The following CLASP2 variants were observed in gnomAD, a reference collection of about 807,000 sequenced individuals.
The protein encoded by CLASP2 is cytoplasmic linker associated protein 2, also known as CLIP-associating protein 2.
In CLASP2, 47 loss-of-function variants were observed where a neutral mutation model predicts 194.4. The ratio of observed to expected loss-of-function variants is 0.24; its 90% CI spans 0.19 to 0.31. The LOEUF (loss-of-function observed/expected upper bound fraction) is 0.31. CLASP2 is among the 10% of genes least tolerant of loss of function. The pLI is 1.00. For synonymous variants in CLASP2, 619 were observed against 633.5 expected (o/e 0.98, Z 0.34); for missense variants, 1,445 against 1,823.6 (o/e 0.79, Z 3.78).
intron 29 of CLASP2, among the ~76,000 whole-genome samples, chr3:33,555,434 C>T (rs948485086): frequency 7.3e-5 from 11 of 150,368 alleles, no homozygotes; most frequent in East Asian, 2.0e-4. Flanking sequence ...GGTGTCATCT[C>T]GGCTCACTGG....
chr3:33,643,765 TAGAAAG>T (rs2081779033), intron 8 of CLASP2, among the ~76,000 whole-genome samples: 1 of 152,008 alleles, frequency 6.6e-6, no homozygotes, highest in Admixed American at 6.6e-5. Context: ...GGGGGTTGTA[TAGAAAG>T]ATCAAGGGAA....
chr3:33,525,749 G>A (rs1239185235), intron 34 of CLASP2, among the ~76,000 whole-genome samples: 1 of 152,216 alleles, frequency 6.6e-6, no homozygotes, highest in Non-Finnish European at 1.5e-5. Flanking sequence ...TACAGCTCCG[G>A]CAAAGTGGGA....
chr3:33,606,122 G>C (rs1004215677), intron 16 of CLASP2, among the ~76,000 whole-genome samples: 1 of 151,984 alleles, frequency 6.6e-6, no homozygotes, highest in Non-Finnish European at 1.5e-5. Context: ...GATGAGAATG[G>C]AGTTACAGAG....
chr3:33,717,858 C>G lies in CLASP2; in HGVS notation c.145G>C (p.Gly49Arg). 1 of 1,565,464 alleles carries G rather than the reference C, an allele frequency of 6.4e-7. No individual in the cohort carries two copies. The highest frequency in any genetic ancestry group is 8.7e-7 in the Non-Finnish European group (1 of 1,155,678). ...SDLEEDLGRL[G>R]KTVDALTGWV... ...CCGGTGAGCGCGTCGACTGTCTTGC[C>G]TAGGCGGCCCAGGTCCTCCTCCAGG... Residue 49 changes from glycine (G) to arginine (R), a missense_variant, in exon 1 of 39, where the codon GGC (glycine) becomes CGC (arginine). By Grantham distance (125) the Gly-to-Arg change is moderately radical. Around this residue, in one of 4 missense-constraint regions of CLASP2, gnomAD observed 332 missense variants for 325.3 expected, o/e 1.02. Coordinates refer to ENST00000682230, the MANE Select transcript of CLASP2 (RefSeq NM_001365631.1).
At chr3:33,578,249 A>G (rs2154201402) in intron 23 of CLASP2, among the ~76,000 whole-genome samples, 1 of 152,330 alleles carries the variant, frequency 6.6e-6, no homozygotes, top group South Asian at 2.1e-4. Context: ...TTATTTAAAT[A>G]TCAAGGCACA....
chr3:33,712,700 C>T (rs1040988726), intron 1 of CLASP2, among the ~76,000 whole-genome samples: 3 of 152,170 alleles, frequency 2.0e-5, no homozygotes, highest in African/African-American at 2.4e-5. Flanking sequence ...CGGTGGTTCA[C>T]GCCTGTAATC....
At chr3:33,571,453 AC>A (rs967917617) in intron 25 of CLASP2, among the ~76,000 whole-genome samples, 1 of 148,604 alleles carries the variant, frequency 6.7e-6, no homozygotes, top group Non-Finnish European at 1.5e-5. Context: ...ACATGGTGAA[AC>A]CCTGTCTCTA....
intron 2 of CLASP2, 50 bp from the exon 3 acceptor site, chr3:33,689,982 T>C (rs766079703): frequency 1.7e-6 from 2 of 1,186,800 alleles, no homozygotes; most frequent in Non-Finnish European, 2.3e-6. Flanking sequence ...CTCATCTCCA[T>C]TAAAAACTAT....
At chr3:33,689,958 GTAAT>G (rs2091162259) in intron 2 of CLASP2, 26 bp from the exon 3 acceptor site, 2 of 1,433,674 alleles carry the variant, frequency 1.4e-6, no homozygotes, top group African/African-American at 2.9e-5. Context: ...GAGTAAAAGA[GTAAT>G]TACTTATAAC....
chr3:33,580,775 G>C (rs1054664050), intron 23 of CLASP2, among the ~76,000 whole-genome samples: 3 of 152,028 alleles, frequency 2.0e-5, no homozygotes, highest in African/African-American at 4.8e-5. Context: ...CAGCACTTTG[G>C]GGGGCCGAGG....
At position 33,592,562 on chromosome 3, in the gene CLASP2, G is replaced by GA. The variant is rs754236339; in HGVS notation, c.1967-67dup. 59 of 1,278,582 alleles carry GA rather than the reference G, an allele frequency of 4.6e-5. 1 individual carries two copies. Among genetic ancestry groups the GA allele is most frequent in the Non-Finnish European group, 5.8e-5 (53 of 906,538 alleles). The allele number at this position is 1,278,582 out of a possible 1,614,324, so 79.2% of individuals were successfully genotyped here. ...ATAATAATGTTTAATAATGAGAGGA[G>GA]AAAATCTCACTATTTTTAGGTACTG... On this transcript the variant is annotated intron_variant, in intron 20 of 38. Coordinates refer to ENST00000682230, the MANE Select transcript of CLASP2 (RefSeq NM_001365631.1).
chr3:33,575,389 T>G (rs6550225), intron 24 of CLASP2, among the ~76,000 whole-genome samples: 12 of 151,806 alleles, frequency 7.9e-5, no homozygotes, highest in African/African-American at 2.9e-4. Context: ...ATGGGATCTA[T>G]GATTTTAGGA....
intron 1 of CLASP2, among the ~76,000 whole-genome samples, chr3:33,710,040 T>C (rs1023912426): frequency 2.0e-4 from 31 of 152,184 alleles, no homozygotes; most frequent in African/African-American, 6.5e-4. Context: ...TGTGACACAG[T>C]GATGGGGCAG....
intron 30 of CLASP2, among the ~76,000 whole-genome samples, chr3:33,546,860 C>T (rs2059230474): frequency 6.6e-6 from 1 of 152,142 alleles, no homozygotes; most frequent in African/African-American, 2.4e-5. Context: ...TGGAATACTG[C>T]AAAATTTAAA....
At chr3:33,706,503 T>C (rs2154355356) in intron 1 of CLASP2, among the ~76,000 whole-genome samples, 1 of 152,320 alleles carries the variant, frequency 6.6e-6, no homozygotes, top group South Asian at 2.1e-4. Flanking sequence ...GGACATATCC[T>C]ACAGACAAAA....
rs1356813964 is a variant in CLASP2, at chr3:33,626,540, CAT to C, written c.1035+446_1035+447del. On this transcript the variant is annotated intron_variant, in intron 10 of 38. Coordinates refer to ENST00000682230, the MANE Select transcript of CLASP2 (RefSeq NM_001365631.1). ...ACAGGAGAAATATTCATCACATTCA[CAT>C]GAGAAGAAAAAAACCCAGATAAATG... 3.9e-5 allele frequency among the ~76,000 whole-genome samples: 6 copies of C among 152,188 alleles called. No homozygotes were observed. In the East Asian group the frequency reaches 5.8e-4, roughly 15 times the overall value.
chr3:33,559,311 A>G lies in CLASP2; in HGVS notation c.3005T>C (p.Leu1002Ser), dbSNP rs753502235. Residue 1002 changes from leucine to serine, a missense_variant, in exon 29 of 39, where the codon TTA (leucine) becomes TCA (serine). Transcript: ENST00000682230. ...CAAAAGATCTCAAAGTTTTACCTTTAAGCTTGGTGTCTGGGTCTGATCAAC... is the reference window on the plus strand; with the variant it reads ...CAAAAGATCTCAAAGTTTTACCTTTGAGCTTGGTGTCTGGGTCTGATCAAC... ...FTVDQTQTPS[L>S]KVKVAILKYI... The G allele has an allele frequency of 1.3e-6, 2 of 1,559,348 alleles. No individual in the cohort carries two copies. The highest frequency in any genetic ancestry group is 2.3e-5 in the East Asian group (1 of 44,420).
chr3:33,676,223 AC>A (rs1205161110), intron 6 of CLASP2, among the ~76,000 whole-genome samples: 3 of 150,622 alleles, frequency 2.0e-5, no homozygotes, highest in Non-Finnish European at 3.0e-5. Flanking sequence ...TGGTACTGGT[AC>A]CAAAACAGAG....
In CLASP2 at chr3:33,696,353, CTTTTTTTTT is replaced by C. The variant is rs962854814; in HGVS notation, c.274+493_274+501del. The stretch of plus-strand genomic sequence containing the variant: ...CCAGTAAAAACAATTTTCTTTCTTT[CTTTTTTTTT>C]TTTTTTTTTTTTTTTTGCCTCAAAG... On this transcript the variant is annotated intron_variant, in intron 2 of 38. Coordinates refer to ENST00000682230, the MANE Select transcript of CLASP2 (RefSeq NM_001365631.1). Among the ~76,000 whole-genome samples the C allele has an allele frequency of 3.9e-3, 207 of 52,760 alleles. 2 individuals carry two copies. The Admixed American group carries it at 0.047, about 12-fold the overall frequency. The allele number at this position is 52,760 out of a possible 152,430, so 34.6% of individuals were successfully genotyped here.
Sources: allele counts gnomAD v4.1 joint callset (sites outside exome capture counted in the v4.1 genomes callset), GRCh38; gene constraint gnomAD v4.1.1; regional missense constraint gnomAD v4.1.1; transcripts MANE v1.5; gene names NCBI Gene and HGNC (gene_info 2026-07-23, HGNC 2026-07-21).